The following ADGRF5 variants were observed in gnomAD, a reference collection of about 807,000 sequenced individuals.
ADGRF5 encodes the protein G-protein coupled receptor 116.
ADGRF5 carries 75 observed loss-of-function variants against 132.3 expected under a neutral mutation model. The ratio of observed to expected loss-of-function variants is 0.57; its 90% CI spans 0.47 to 0.69. The LOEUF is 0.69. ADGRF5 is among the 30% of genes least tolerant of loss of function. The pLI is 0.00. For missense variants in ADGRF5, 1,516 were observed against 1,630.6 expected (o/e 0.93, Z 1.21); for synonymous variants, 629 against 597.6 (o/e 1.05, Z -0.77).
chr6:46,940,010 A>AT (rs75977602), intron 1 of ADGRF5, among the ~76,000 whole-genome samples: 154 of 151,020 alleles, frequency 1.0e-3, no homozygotes, highest in Middle Eastern at 3.4e-3. Context: ...TTTTATGTGG[A>AT]TTTTTTTTTT....
At position 46,859,256 on chromosome 6, in the gene ADGRF5, T is replaced by C. The variant is rs747654794; in HGVS notation, c.2647A>G (p.Ile883Val). The change falls in exon 17 of 21, where the codon ATT (isoleucine) becomes GTT (valine). Residue 883 changes from isoleucine (I) to valine (V), a missense_variant. Ile to Val is a conservative substitution (Grantham distance 29, BLOSUM62 3). Coordinates refer to ENST00000283296, the MANE Select transcript of ADGRF5 (RefSeq NM_001098518.2). ...PYFDLWGNVV[I>V]DKSYLENLQS... The stretch of plus-strand genomic sequence containing the variant: ...AAGTTTTCTAGATAGCTCTTGTCAA[T>C]GACCACATTGCCCCAGAGGTCAAAG... 19 of 1,614,034 alleles carry C rather than the reference T, an allele frequency of 1.2e-5. No individual in the cohort carries two copies. Among genetic ancestry groups the C allele is most frequent in the Admixed American group, 5.0e-5 (3 of 60,002 alleles).
intron 14 of ADGRF5, among the ~76,000 whole-genome samples, chr6:46,864,820 G>A (rs769269888): frequency 5.3e-4 from 81 of 152,228 alleles, no homozygotes; most frequent in Admixed American, 7.8e-4. Flanking sequence ...CACCGCACCC[G>A]GCCAATAACA....
chr6:46,943,159 A>T (rs1778162931), intron 1 of ADGRF5, among the ~76,000 whole-genome samples: 1 of 152,152 alleles, frequency 6.6e-6, no homozygotes, highest in African/African-American at 2.4e-5. Flanking sequence ...TACAAAAAAA[A>T]AAACAAGCAT....
chr6:46,877,015 C>G (rs1262477135), intron 10 of ADGRF5, among the ~76,000 whole-genome samples: 2 of 152,192 alleles, frequency 1.3e-5, no homozygotes, highest in Non-Finnish European at 2.9e-5. Context: ...ACTTTAAAGA[C>G]TTTTTCTTTA....
chr6:46,902,114 T>A (rs897265296), intron 2 of ADGRF5, among the ~76,000 whole-genome samples: 1 of 152,236 alleles, frequency 6.6e-6, no homozygotes, highest in Non-Finnish European at 1.5e-5. Context: ...TAGATGTACT[T>A]GAATATGCAG....
chr6:46,906,325 G>A (rs916267934), intron 2 of ADGRF5, among the ~76,000 whole-genome samples: 17 of 152,188 alleles, frequency 1.1e-4, no homozygotes, highest in African/African-American at 4.1e-4. Context: ...TGTTATTGTT[G>A]TCAGTTTAAC....
chr6:46,880,050 A>G lies in ADGRF5; in HGVS notation c.815-11T>C. ...AGAAATTGCTTTCATCTGGAAACCC[A>G]AAGAAAAGTTAATAAGATCCCAAAG... On this transcript the variant is annotated splice_polypyrimidine_tract_variant and intron_variant, in intron 8 of 20. Transcript: ENST00000283296. 1 of 1,593,098 alleles carries G rather than the reference A, an allele frequency of 6.3e-7. No individual in the cohort carries two copies. The highest frequency in any genetic ancestry group is 2.2e-5 in the East Asian group (1 of 44,780).
intron 3 of ADGRF5, among the ~76,000 whole-genome samples, chr6:46,899,341 G>C (rs971343355): frequency 6.6e-6 from 1 of 152,072 alleles, no homozygotes; most frequent in Admixed American, 6.5e-5. Flanking sequence ...AGAGTTCTAT[G>C]GGGGCAAATG....
chr6:46,920,530 G>C (rs1030813537), intron 1 of ADGRF5, among the ~76,000 whole-genome samples: 1 of 136,220 alleles, frequency 7.3e-6, no homozygotes, highest in South Asian at 2.7e-4. Context: ...AATATTTGGG[G>C]GGGGGGAAGA....
intron 13 of ADGRF5, among the ~76,000 whole-genome samples, chr6:46,865,440 C>A (rs1770304787): frequency 6.6e-6 from 1 of 152,198 alleles, no homozygotes; most frequent in Non-Finnish European, 1.5e-5. Flanking sequence ...ATTCAGAATG[C>A]CTTTTCAGCA....
At chr6:46,913,992 G>T (rs748742849) in intron 1 of ADGRF5, among the ~76,000 whole-genome samples, 1 of 152,126 alleles carries the variant, frequency 6.6e-6, no homozygotes, top group African/African-American at 2.4e-5. Flanking sequence ...TACAGACTAC[G>T]ATCAGGCAGC....
rs1770772167 is a variant in ADGRF5, at chr6:46,869,097, A to G, written c.1412-5T>C. 6.2e-7 allele frequency: 1 copy of G among 1,612,748 alleles called. No homozygotes were observed. The highest frequency in any genetic ancestry group is 8.5e-7 in the Non-Finnish European group (1 of 1,178,962). The stretch of plus-strand genomic sequence containing the variant: ...CCGGGGTTATTGTTAGATTGGCTGA[A>G]AAAAAGGCAAACAAAACAGACAAAA... On this transcript the variant is annotated splice_region_variant and splice_polypyrimidine_tract_variant and intron_variant, in intron 11 of 20. Transcript: ENST00000283296.
At chr6:46,930,523 T>G (rs773955862) in intron 1 of ADGRF5, among the ~76,000 whole-genome samples, 3 of 151,956 alleles carry the variant, frequency 2.0e-5, no homozygotes, top group Non-Finnish European at 2.9e-5. Flanking sequence ...TAGAAAGAAG[T>G]GGGAAATGGT....
At chr6:46,855,301 G>A (rs926265124) in intron 20 of ADGRF5, among the ~76,000 whole-genome samples, 3 of 152,098 alleles carry the variant, frequency 2.0e-5, no homozygotes, top group Non-Finnish European at 2.9e-5. Context: ...CACGAATGCC[G>A]AGTAATTACT....
At chr6:46,941,406 G>GAAAAGAAAAGAA (rs1561838607) in intron 1 of ADGRF5, among the ~76,000 whole-genome samples, 2 of 28,126 alleles carry the variant, frequency 7.1e-5, no homozygotes, top group East Asian at 1.5e-3. Flanking sequence ...GAAAAGAAAA[G>GAAAAGAAAAGAA]AAAAGAAAAG....
chr6:46,885,211 AG>A (rs1772938878), intron 4 of ADGRF5, among the ~76,000 whole-genome samples: 7 of 149,074 alleles, frequency 4.7e-5, no homozygotes, highest in Non-Finnish European at 8.9e-5. Flanking sequence ...AAAAAAAAAA[AG>A]AAAAAGAAAA....
chr6:46,879,179 G>T (rs1003207073), intron 9 of ADGRF5, among the ~76,000 whole-genome samples: 13 of 150,502 alleles, frequency 8.6e-5, no homozygotes, highest in African/African-American at 3.2e-4. Context: ...TAATAATAAA[G>T]TAATATTATA....
intron 1 of ADGRF5, among the ~76,000 whole-genome samples, chr6:46,926,960 G>A (rs1248812707): frequency 6.6e-6 from 1 of 152,054 alleles, no homozygotes. Context: ...CTGGGTGCGG[G>A]CACTCTCCAA....
intron 1 of ADGRF5, among the ~76,000 whole-genome samples, chr6:46,950,743 G>A (rs1778466650): frequency 2.0e-5 from 3 of 152,142 alleles, no homozygotes; most frequent in Admixed American, 2.0e-4. Flanking sequence ...TCGATCTCTT[G>A]ACTTCGTGAT....
Sources: allele counts gnomAD v4.1 joint callset (sites outside exome capture counted in the v4.1 genomes callset), GRCh38; gene constraint gnomAD v4.1.1; transcripts MANE v1.5; gene names NCBI Gene and HGNC (gene_info 2026-07-23, HGNC 2026-07-21).